Variants in PCDHGA5 observed in about 807,000 individuals in gnomAD.
PCDHGA5 encodes protocadherin gamma-A5.
PCDHGA5 carries 36 observed loss-of-function variants against 56.7 expected under a neutral mutation model. That is an observed-to-expected ratio of 0.64 (90% CI 0.49 to 0.84). The LOEUF is 0.84. Ranked by LOEUF, PCDHGA5 falls within the 40% of genes least tolerant of loss-of-function variation. The pLI is 0.00. For missense variants in PCDHGA5, 1,305 were observed against 1,201.5 expected (o/e 1.09, Z -1.27); for synonymous variants, 563 against 520.2 (o/e 1.08, Z -1.12).
At chr5:141,459,165 C>T (rs1418626354) in intron 1 of PCDHGA5, among the ~76,000 whole-genome samples, 2 of 152,130 alleles carry the variant, frequency 1.3e-5, no homozygotes, top group African/African-American at 4.8e-5. Context: ...ATTTCTATAA[C>T]CTTCAAAAGT....
chr5:141,424,393 A>G (rs1241872928), intron 1 of PCDHGA5: 1 of 152,120 alleles, frequency 6.6e-6, no homozygotes, highest in Non-Finnish European at 1.5e-5. Flanking sequence ...TGTCTTTTCC[A>G]TTACTATGGT....
intron 1 of PCDHGA5, chr5:141,442,111 C>A: frequency 6.0e-6 from 1 of 166,354 alleles, no homozygotes; most frequent in Non-Finnish European, 1.3e-5. Context: ...CACTACCGCC[C>A]CTCGTCGCCG....
At chr5:141,448,730 G>A (rs1419700194) in intron 1 of PCDHGA5, among the ~76,000 whole-genome samples, 1 of 152,072 alleles carries the variant, frequency 6.6e-6, no homozygotes, top group African/African-American at 2.4e-5. Context: ...CACGAGGTCA[G>A]GAGATCGAGA....
chr5:141,415,128 G>C (rs376477668), intron 1 of PCDHGA5: 33 of 1,613,528 alleles, frequency 2.0e-5, no homozygotes, highest in Admixed American at 5.0e-5. Context: ...TGGCCGTCCA[G>C]GACCACGGCC....
chr5:141,421,927 C>T (rs1179128418), intron 1 of PCDHGA5: 2 of 1,613,396 alleles, frequency 1.2e-6, no homozygotes, highest in African/African-American at 2.7e-5. Flanking sequence ...TGTGGTGGTC[C>T]TCGATGTAAA....
In PCDHGA5 at chr5:141,477,510, A is replaced by G; in HGVS notation, c.2422-17297A>G. On this transcript the variant is annotated intron_variant, in intron 1 of 3. Transcript: ENST00000518069. This position sits in a 1 kb window ranked among gnomAD's most constrained non-coding sequence, Gnocchi z 4.9. ...TCTTCTCAATCTTCCTACGACGTTT[A>G]CATTGAAGAAAACAACCTCCCCGGG... is the stretch of plus-strand genomic sequence containing the variant. 3 of 1,614,172 alleles carry G rather than the reference A, an allele frequency of 1.9e-6. No homozygotes were observed. Among genetic ancestry groups the G allele is most frequent in the Non-Finnish European group, 2.5e-6 (3 of 1,180,018 alleles).
intron 1 of PCDHGA5, among the ~76,000 whole-genome samples, chr5:141,492,862 G>A (rs2099744602): frequency 6.6e-6 from 1 of 152,198 alleles, no homozygotes. Context: ...GAGCGCCCTG[G>A]CTCTCAACCC....
At chr5:141,444,183 T>G (rs2098423667) in intron 1 of PCDHGA5, among the ~76,000 whole-genome samples, 1 of 138,396 alleles carries the variant, frequency 7.2e-6, no homozygotes, top group African/African-American at 2.8e-5. Flanking sequence ...TTTTTTTTTT[T>G]TTTTTGAGAT....
At position 141,476,602 on chromosome 5, in the gene PCDHGA5, C is replaced by T; in HGVS notation, c.2422-18205C>T. 6.2e-7 allele frequency: 1 copy of T among 1,614,208 alleles called. No homozygotes were observed. Among genetic ancestry groups the T allele is most frequent in the Middle Eastern group, 1.6e-4 (1 of 6,062 alleles). Reference sequence around the variant, plus strand: ...TTCCGCTCGAGAGCGCGCACGATCCCGATGTGGGAAGCAACTCTTTACAAA... The same window carrying T: ...TTCCGCTCGAGAGCGCGCACGATCCTGATGTGGGAAGCAACTCTTTACAAA... On this transcript the variant is annotated intron_variant, in intron 1 of 3. Coordinates refer to ENST00000518069, the MANE Select transcript of PCDHGA5 (RefSeq NM_018918.3). The surrounding 1 kb of genome is among the most constrained non-coding windows in gnomAD (Gnocchi z 7.6).
intron 3 of PCDHGA5, among the ~76,000 whole-genome samples, chr5:141,505,793 GGACTTGGATC>G (rs2099848390): frequency 6.6e-6 from 1 of 152,142 alleles, no homozygotes; most frequent in Non-Finnish European, 1.5e-5. Flanking sequence ...ACTATCCTTG[GGACTTGGATC>G]GACTTGCTCA....
At chr5:141,395,374 T>G (rs145897132) in intron 1 of PCDHGA5, 6 of 1,187,780 alleles carry the variant, frequency 5.1e-6, no homozygotes, top group Non-Finnish European at 6.9e-6. Flanking sequence ...ATTTTGGTGG[T>G]GTTACTATAA....
At chr5:141,418,955 G>C in intron 1 of PCDHGA5, 4 of 1,614,050 alleles carry the variant, frequency 2.5e-6, no homozygotes, top group Non-Finnish European at 3.4e-6. Flanking sequence ...AGGAGTGGTT[G>C]TTGCCCTCTT....
intron 1 of PCDHGA5, chr5:141,388,621 T>C (rs2091422595): frequency 6.2e-7 from 1 of 1,613,806 alleles, no homozygotes; most frequent in African/African-American, 1.3e-5. Context: ...AGTCAAGACG[T>C]ATACAGGGTG....
At position 141,404,066 on chromosome 5, in the gene PCDHGA5, C is replaced by G. The variant is rs745515085; in HGVS notation, c.2421+37315C>G. The G allele has an allele frequency of 3.1e-6, 5 of 1,613,776 alleles. No individual in the cohort carries two copies. The East Asian group carries it at 8.9e-5, about 29-fold the overall frequency. On this transcript the variant is annotated intron_variant, in intron 1 of 3. Transcript: ENST00000518069. ...AACAGTAATTCTTCTTTTCAATGCT[C>G]ATGACCGAGACTCCGGGAAGAATGG...
At position 141,366,196 on chromosome 5, in the gene PCDHGA5, C is replaced by T; in HGVS notation, c.1866C>T (p.His622=). The part of the protein sequence containing the change: ...SEPGLFAVGL[H]TGEVRTARAL... ...CAGGACTCTTTGCGGTTGGGCTGCA[C>T]ACGGGCGAGGTGCGCACAGCGCGAG... Residue 622 remains histidine, a synonymous_variant, in exon 1 of 4, where the codon CAC becomes CAT. Transcript: ENST00000518069. 5 of 1,613,898 alleles carry T rather than the reference C, an allele frequency of 3.1e-6. No homozygotes were observed. Among genetic ancestry groups the T allele is most frequent in the Non-Finnish European group, 4.2e-6 (5 of 1,180,042 alleles).
intron 1 of PCDHGA5, chr5:141,389,274 C>T (rs183257097): frequency 1.2e-6 from 2 of 1,614,032 alleles, no homozygotes; most frequent in Non-Finnish European, 8.5e-7. Flanking sequence ...CGAGAACAAC[C>T]CGCCTGGAGC....
chr5:141,403,137 G>C (rs2094359580), intron 1 of PCDHGA5: 1 of 1,614,038 alleles, frequency 6.2e-7, no homozygotes, highest in Non-Finnish European at 8.5e-7. Flanking sequence ...CTGGCGGAGC[G>C]CCGAGTCCGC....
chr5:141,426,465 T>C, intron 1 of PCDHGA5: 1 of 315,366 alleles, frequency 3.2e-6, no homozygotes, highest in African/African-American at 2.2e-5. Context: ...ATGTTCAGGA[T>C]TTATTGACCT....
chr5:141,432,601 G>C lies in PCDHGA5; in HGVS notation c.2422-62206G>C. The C allele has an allele frequency of 6.2e-7, 1 of 1,613,952 alleles. No homozygotes were observed. The highest frequency in any genetic ancestry group is 8.5e-7 in the Non-Finnish European group (1 of 1,179,984). On this transcript the variant is annotated intron_variant, in intron 1 of 3. Coordinates refer to ENST00000518069, the MANE Select transcript of PCDHGA5 (RefSeq NM_018918.3). The surrounding 1 kb of genome is among the most constrained non-coding windows in gnomAD (Gnocchi z 6.0). ...ACCGTCTGCTCAAGGCCAGCGAGCC[G>C]GGACTCTTCTCGGTGGGTCTGCACA...
Sources: gnomAD v4.1 joint callset for allele counts (sites outside exome capture counted in the v4.1 genomes callset) on GRCh38, gnomAD v4.1.1 for gene constraint, Gnocchi (gnomAD v3.1) non-coding constraint, MANE v1.5 for transcripts, NCBI Gene and HGNC (gene_info 2026-07-23, HGNC 2026-07-21) for gene names.